AFAP1: variants seen among roughly 807,000 people sequenced by gnomAD.
AFAP1 encodes the protein actin filament associated protein 1.
AFAP1 carries 75 observed loss-of-function variants against 93.9 expected under a neutral mutation model. The observed-to-expected ratio is 0.80, with a 90% CI of 0.66 to 0.97. The LOEUF (loss-of-function observed/expected upper bound fraction) is 0.97. AFAP1 is among the 50% of genes least tolerant of loss of function. The probability of loss-of-function intolerance (pLI) is 0.00; values close to 1 mark genes in which losing one functional copy is unlikely to be tolerated. For missense variants in AFAP1, 1,201 were observed against 1,050.8 expected (o/e 1.14, Z -1.98); for synonymous variants, 517 against 430.7 (o/e 1.20, Z -2.48).
At chr4:7,915,017 T>C (rs1319128700) in intron 1 of AFAP1, among the ~76,000 whole-genome samples, 1 of 152,176 alleles carries the variant, frequency 6.6e-6, no homozygotes, top group Non-Finnish European at 1.5e-5. Flanking sequence ...CCAAAAGTGC[T>C]GGGATTACAG....
intron 6 of AFAP1, among the ~76,000 whole-genome samples, chr4:7,822,283 A>T (rs1300787425): frequency 6.6e-6 from 1 of 152,124 alleles, no homozygotes; most frequent in African/African-American, 2.4e-5. Context: ...TCCTTCCTCA[A>T]TAACACGCAC....
chr4:7,774,712 C>T, intron 15 of AFAP1, 27 bp downstream of exon 15: 2 of 1,610,906 alleles, frequency 1.2e-6, no homozygotes, highest in African/African-American at 1.3e-5. Flanking sequence ...AACATGCACC[C>T]TGGGCAGTCA....
chr4:7,815,896 T>A, intron 8 of AFAP1, 122 bp downstream of exon 8: 1 of 814,912 alleles, frequency 1.2e-6, no homozygotes, highest in Non-Finnish European at 1.9e-6. Context: ...GATGACGATA[T>A]CTACACATCT....
intron 1 of AFAP1, among the ~76,000 whole-genome samples, chr4:7,901,528 C>T (rs991809235): frequency 3.9e-5 from 6 of 152,196 alleles, no homozygotes; most frequent in Non-Finnish European, 7.3e-5. Flanking sequence ...CCACTCCTGT[C>T]GCCACAGTCT....
chr4:7,778,988 G>T, intron 13 of AFAP1, 112 bp from the exon 14 acceptor site: 1 of 799,680 alleles, frequency 1.3e-6, no homozygotes, highest in Non-Finnish European at 2.0e-6. Flanking sequence ...GTAGAAACTG[G>T]CATAGATGGA....
chr4:7,777,391 C>T (rs1281610906), intron 14 of AFAP1: 3 of 152,230 alleles, frequency 2.0e-5, no homozygotes, highest in African/African-American at 4.8e-5. Context: ...GGGATGTATA[C>T]GCTTCCTTGG....
chr4:7,872,939 T>A (rs28421401), intron 1 of AFAP1, among the ~76,000 whole-genome samples: 10,118 of 109,990 alleles, frequency 0.092, 558 homozygotes, highest in East Asian at 0.19. Flanking sequence ...TTTTTTTTTT[T>A]AAAAAAAAAA....
At chr4:7,885,149 C>T (rs1718074436) in intron 1 of AFAP1, among the ~76,000 whole-genome samples, 1 of 152,220 alleles carries the variant, frequency 6.6e-6, no homozygotes, top group African/African-American at 2.4e-5. Context: ...TGGTTTGCTA[C>T]ACTCTTCTCA....
intron 1 of AFAP1, among the ~76,000 whole-genome samples, chr4:7,895,829 T>C (rs915981237): frequency 2.7e-5 from 4 of 150,526 alleles, no homozygotes; most frequent in African/African-American, 4.9e-5. Context: ...CACTTCTACA[T>C]GGAAGTGTGT....
chr4:7,798,253 T>C (rs556381487), intron 10 of AFAP1, among the ~76,000 whole-genome samples: 4 of 147,624 alleles, frequency 2.7e-5, no homozygotes, highest in South Asian at 2.2e-4. Flanking sequence ...GCAACTCTAT[T>C]GGCTGGCTCA....
intron 3 of AFAP1, among the ~76,000 whole-genome samples, chr4:7,857,555 C>T (rs1361833310): frequency 1.3e-5 from 2 of 152,180 alleles, no homozygotes; most frequent in Admixed American, 1.3e-4. Context: ...TGGACCATCT[C>T]CAGGTCCTTC....
At chr4:7,765,921 ACTTT>A (rs1376279733) in intron 17 of AFAP1, among the ~76,000 whole-genome samples, 1 of 152,176 alleles carries the variant, frequency 6.6e-6, no homozygotes, top group Non-Finnish European at 1.5e-5. Flanking sequence ...CCAAAGAGGG[ACTTT>A]CTTCTCTGCG....
intron 4 of AFAP1, among the ~76,000 whole-genome samples, chr4:7,850,512 G>A (rs984644343): frequency 1.1e-4 from 16 of 152,224 alleles, no homozygotes; most frequent in African/African-American, 2.9e-4. Flanking sequence ...AACAGCCAAT[G>A]AGCGTTGTAG....
chr4:7,805,774 C>A (rs566768084), intron 9 of AFAP1, among the ~76,000 whole-genome samples: 3 of 152,218 alleles, frequency 2.0e-5, no homozygotes, highest in Non-Finnish European at 4.4e-5. Context: ...CCTGTTCTTA[C>A]GCCAGTCATG....
intron 6 of AFAP1, among the ~76,000 whole-genome samples, chr4:7,837,094 TA>T (rs777577237): frequency 2.6e-5 from 4 of 152,182 alleles, no homozygotes; most frequent in Non-Finnish European, 5.9e-5. Flanking sequence ...AAACGTCAAG[TA>T]AACGTTTCTA....
intron 13 of AFAP1, among the ~76,000 whole-genome samples, 155 bp downstream of exon 13, chr4:7,781,221 T>C (rs1317558961): frequency 2.0e-5 from 3 of 152,204 alleles, no homozygotes; most frequent in Non-Finnish European, 2.9e-5. Flanking sequence ...CATCAGTTCC[T>C]TGGTAGTCAG....
In AFAP1 at chr4:7,763,127, C is replaced by T. The variant is rs961728265; in HGVS notation, c.*638G>A. ...CAGGTTAAGAAGAATGGCAGCTTTT[C>T]ATGTCTTGGTGACAAAAGCATCTGT... On this transcript the variant is annotated 3_prime_UTR_variant, in exon 18 of 18. Transcript: ENST00000420658. The T allele has an allele frequency of 1.3e-5, 2 of 152,636 alleles. No individual in the cohort carries two copies. Among genetic ancestry groups the T allele is most frequent in the African/African-American group, 4.8e-5 (2 of 41,462 alleles). 9.5% of individuals were successfully genotyped at this position (152,636 alleles called of 1,614,324 possible). A position where few individuals can be genotyped will look rare whatever the true frequency, so the allele number is the denominator to read the frequency against.
intron 15 of AFAP1, chr4:7,773,337 C>T: frequency 3.4e-6 from 1 of 291,454 alleles, no homozygotes; most frequent in Non-Finnish European, 6.4e-6. Flanking sequence ...CCAAAGCTGC[C>T]ACCTTCTTGG....
chr4:7,836,326 C>T (rs933362420), intron 6 of AFAP1, among the ~76,000 whole-genome samples: 1 of 152,220 alleles, frequency 6.6e-6, no homozygotes, highest in Non-Finnish European at 1.5e-5. Context: ...AGCCCAAGTA[C>T]TGTAAGAGCC....
Sources: gnomAD v4.1 joint callset for allele counts (sites outside exome capture counted in the v4.1 genomes callset) on GRCh38, gnomAD v4.1.1 for gene constraint, MANE v1.5 for transcripts, NCBI Gene and HGNC (gene_info 2026-07-23, HGNC 2026-07-21) for gene names.